The following IFT88 variants were observed in gnomAD, a reference collection of about 807,000 sequenced individuals.
IFT88 encodes intraflagellar transport 88.
IFT88 carries 74 observed loss-of-function variants against 119.5 expected under a neutral mutation model. That is an observed-to-expected ratio of 0.62 (90% CI 0.51 to 0.75). IFT88 has a LOEUF of 0.75. Ranked by LOEUF, IFT88 falls within the 30% of genes least tolerant of loss-of-function variation. IFT88 has a pLI of 0.00. For missense variants in IFT88, 961 were observed against 977.7 expected, an observed-to-expected ratio of 0.98 and a Z score of 0.23; for synonymous variants, 279 against 316.7, an observed-to-expected ratio of 0.88 and a Z score of 1.26.
intron 1 of IFT88, chr13:20,567,868 G>GTTTTT: frequency 1.5e-6 from 1 of 656,534 alleles, no homozygotes. Context: ...TTTTTTGTTT[G>GTTTTT]TTTTTTTTTT....
At chr13:20,574,323 A>T (rs1039113258) in intron 1 of IFT88, 57 bp from the exon 2 acceptor site, 112 of 916,630 alleles carry the variant, frequency 1.2e-4, no homozygotes, top group East Asian at 1.1e-3. Flanking sequence ...TATCTCAAAA[A>T]ATATATATAT....
intron 24 of IFT88, among the ~76,000 whole-genome samples, chr13:20,686,771 A>G (rs1308786263): frequency 6.6e-6 from 1 of 152,160 alleles, no homozygotes; most frequent in Non-Finnish European, 1.5e-5. Flanking sequence ...TATGCTCATA[A>G]CCATATTCTT....
chr13:20,667,734 G>A lies in IFT88; in HGVS notation c.2176-3239G>A, dbSNP rs150475697. 9.9e-3 allele frequency among the ~76,000 whole-genome samples: 1,504 copies of A among 151,588 alleles called. 26 individuals are homozygous for A. The highest frequency in any genetic ancestry group is 0.034 in the African/African-American group (1,413 of 41,322). On this transcript the variant is annotated intron_variant, in intron 23 of 25. Coordinates refer to ENST00000351808, the MANE Select transcript of IFT88 (RefSeq NM_006531.5). Reference sequence around the variant, plus strand: ...TGGGATTACAGGTGTGAGCCACCGCGCCCAGCCCATTTTCACAGTTTTATA... The same window carrying A: ...TGGGATTACAGGTGTGAGCCACCGCACCCAGCCCATTTTCACAGTTTTATA...
intron 13 of IFT88, among the ~76,000 whole-genome samples, chr13:20,615,138 T>TA (rs2045388168): frequency 1.3e-5 from 2 of 152,200 alleles, no homozygotes; most frequent in African/African-American, 4.8e-5. Context: ...TCTATATTAA[T>TA]ACAGCATAGT....
At chr13:20,569,571 C>T (rs4477545) in intron 1 of IFT88, among the ~76,000 whole-genome samples, 150,933 of 151,380 alleles carry the variant, frequency 1, 75,246 homozygotes, top group Middle Eastern at 1. Context: ...AGACTCCGTC[C>T]CAAAAAAAAA....
chr13:20,630,193 A>G (rs1006707093), intron 15 of IFT88, among the ~76,000 whole-genome samples: 1 of 151,970 alleles, frequency 6.6e-6, no homozygotes, highest in Non-Finnish European at 1.5e-5. Context: ...AGACCTTTTC[A>G]TTATGCTCCC....
chr13:20,665,571 T>C (rs1274713143), intron 23 of IFT88, among the ~76,000 whole-genome samples: 1 of 152,218 alleles, frequency 6.6e-6, no homozygotes, highest in African/African-American at 2.4e-5. Context: ...GAATATATCC[T>C]TAGTACAAAA....
intron 14 of IFT88, among the ~76,000 whole-genome samples, chr13:20,622,144 CTG>C (rs548740323): frequency 2.6e-4 from 40 of 152,180 alleles, no homozygotes; most frequent in Non-Finnish European, 5.1e-4. Flanking sequence ...AATCCAGAGT[CTG>C]TAATCCTCCA....
chr13:20,675,213 A>G (rs929715422), intron 24 of IFT88, among the ~76,000 whole-genome samples: 4 of 152,066 alleles, frequency 2.6e-5, no homozygotes, highest in African/African-American at 7.2e-5. Flanking sequence ...CAAGTCAGCC[A>G]ATTACAGAAG....
chr13:20,616,387 A>T (rs2045611381), intron 14 of IFT88, among the ~76,000 whole-genome samples: 1 of 152,220 alleles, frequency 6.6e-6, no homozygotes. Flanking sequence ...CACAGGCATG[A>T]CATTTTAAAA....
At chr13:20,577,478 A>G (rs940170913) in intron 2 of IFT88, among the ~76,000 whole-genome samples, 5 of 151,814 alleles carry the variant, frequency 3.3e-5, no homozygotes, top group African/African-American at 9.7e-5. Flanking sequence ...TTCATTCAGT[A>G]TATTAGTTGT....
intron 24 of IFT88, among the ~76,000 whole-genome samples, chr13:20,681,976 A>C (rs2057374556): frequency 6.6e-6 from 1 of 152,252 alleles, no homozygotes; most frequent in South Asian, 2.1e-4. Flanking sequence ...GAATCCAATT[A>C]GTTAATTTTA....
chr13:20,687,407 TAC>T (rs58764669), intron 24 of IFT88, among the ~76,000 whole-genome samples: 40,723 of 151,982 alleles, frequency 0.27, 7,370 homozygotes, highest in African/African-American at 0.51. Flanking sequence ...TGCCACACTT[TAC>T]ACACAGATCC....
rs966591769 is a variant in IFT88 at position 20,569,343 on chromosome 13, C to G, written c.-7+2087C>G. Among the ~76,000 whole-genome samples, 8 of 147,680 alleles carry G rather than the reference C, an allele frequency of 5.4e-5. No homozygotes were observed. In the East Asian group the frequency reaches 6.4e-4, roughly 12 times the overall value. On this transcript the variant is annotated intron_variant, in intron 1 of 25. Coordinates refer to ENST00000351808, the MANE Select transcript of IFT88 (RefSeq NM_006531.5). ...AATCCCAGCACTTTGGGAGGCCGAG[C>G]CGGGCGGATCACGAGGTCAGGAGAT...
chr13:20,675,984 C>T (rs527883360), intron 24 of IFT88, among the ~76,000 whole-genome samples: 149 of 152,272 alleles, frequency 9.8e-4, no homozygotes, highest in African/African-American at 3.4e-3. Flanking sequence ...GATCAAAGCA[C>T]TGCTTGAAGC....
Position 20,615,848 on chromosome 13 carries a change from A to G in IFT88, c.1168A>G (p.Ile390Val). 6.2e-7 allele frequency: 1 copy of G among 1,608,656 alleles called. No homozygotes were observed. Among genetic ancestry groups the G allele is most frequent in the Non-Finnish European group, 8.5e-7 (1 of 1,177,408 alleles). Residue 390 changes from isoleucine to valine, a missense_variant, in exon 14 of 26, where the codon ATT (isoleucine) becomes GTT (valine). Ile to Val is a conservative substitution (Grantham distance 29, BLOSUM62 3). Transcript: ENST00000351808. ...ATCTGCAAAACTCATTGCTCCTGTA[A>G]TTGAAACATCTTTTGCTGCAGGTTA... ...MTSAKLIAPV[I>V]ETSFAAGYDW...
intron 2 of IFT88, among the ~76,000 whole-genome samples, chr13:20,577,081 CT>C (rs1297114353): frequency 5.3e-4 from 80 of 152,128 alleles, no homozygotes; most frequent in African/African-American, 1.8e-3. Flanking sequence ...ATTTTCACTT[CT>C]TTGGTTAAGT....
intron 4 of IFT88, 87 bp from the exon 5 acceptor site, chr13:20,590,880 G>T (rs535286070): frequency 5.6e-5 from 50 of 887,912 alleles, no homozygotes; most frequent in East Asian, 4.7e-4. Flanking sequence ...TTTGCCGATA[G>T]AATGAAGAAA....
intron 14 of IFT88, among the ~76,000 whole-genome samples, chr13:20,618,698 T>G (rs1202735183): frequency 6.6e-6 from 1 of 152,140 alleles, no homozygotes; most frequent in Non-Finnish European, 1.5e-5. Context: ...TCCAGGTAGT[T>G]GTCATGTGTA....
Sources: gnomAD v4.1 joint callset for allele counts (sites outside exome capture counted in the v4.1 genomes callset) on GRCh38, gnomAD v4.1.1 for gene constraint, MANE v1.5 for transcripts, NCBI Gene and HGNC (gene_info 2026-07-23, HGNC 2026-07-21) for gene names.